The following ELOVL5 variants were observed in gnomAD, a reference collection of about 807,000 sequenced individuals.
The protein encoded by ELOVL5 is very long chain fatty acid elongase 5.
A neutral mutation model predicts 38.6 loss-of-function variants in ELOVL5; 8 were observed. The ratio of observed to expected loss-of-function variants is 0.21; its 90% CI spans 0.12 to 0.37. ELOVL5 has a LOEUF of 0.37. ELOVL5 is among the 10% of genes least tolerant of loss of function. ELOVL5 has a pLI of 1.00. For synonymous variants in ELOVL5, 127 were observed against 133.7 expected (o/e 0.95, Z 0.34); for missense variants, 280 against 367.8 (o/e 0.76, Z 1.95).
chr6:53,289,906 A>C (rs775016999), intron 3 of ELOVL5, among the ~76,000 whole-genome samples: 1 of 152,234 alleles, frequency 6.6e-6, no homozygotes, highest in Non-Finnish European at 1.5e-5. Flanking sequence ...TGACCTGGAT[A>C]GCTTTTTGTA....
chr6:53,332,257 A>G (rs1768836646), intron 1 of ELOVL5, among the ~76,000 whole-genome samples: 1 of 152,216 alleles, frequency 6.6e-6, no homozygotes, highest in Non-Finnish European at 1.5e-5. Context: ...AGTTACATTC[A>G]GTATGGTATT....
intron 1 of ELOVL5, among the ~76,000 whole-genome samples, chr6:53,344,221 T>G (rs372608743): frequency 6.6e-6 from 1 of 152,304 alleles, no homozygotes; most frequent in East Asian, 1.9e-4. Flanking sequence ...TGGGGCTATT[T>G]CCATCTGATC....
Position 53,291,957 on chromosome 6 carries a change from C to T in ELOVL5, c.65G>A (p.Arg22Lys). 6.7e-7 allele frequency: 1 copy of T among 1,501,520 alleles called. No individual in the cohort carries two copies. Among genetic ancestry groups the T allele is most frequent in the Non-Finnish European group, 8.9e-7 (1 of 1,119,050 alleles). 93.0% of individuals were successfully genotyped at this position (1,501,520 alleles called of 1,614,324 possible). The change falls in exon 3 of 8, where the codon AGA becomes AAA. Residue 22 changes from arginine (R) to lysine (K), a missense_variant. Arg to Lys is a conservative substitution (Grantham distance 26). Coordinates refer to ENST00000304434, the MANE Select transcript of ELOVL5 (RefSeq NM_021814.5). ...GTCCAGAAGAAACCATCCTTTTACTCTAGTATCTGAAAAATTAAAAAAAAT... is the reference window on the plus strand; with the variant it reads ...GTCCAGAAGAAACCATCCTTTTACTTTAGTATCTGAAAAATTAAAAAAAAT... ...FKALLGPRDT[R>K]VKGWFLLDNY...
At chr6:53,333,284 C>T (rs958375866) in intron 1 of ELOVL5, among the ~76,000 whole-genome samples, 2 of 152,224 alleles carry the variant, frequency 1.3e-5, no homozygotes, top group African/African-American at 4.8e-5. Flanking sequence ...ACAGAACAGA[C>T]ACTTGCAGAT....
intron 1 of ELOVL5, among the ~76,000 whole-genome samples, chr6:53,336,516 C>T (rs1769075475): frequency 6.6e-6 from 1 of 152,156 alleles, no homozygotes; most frequent in South Asian, 2.1e-4. Flanking sequence ...AAAAAATTAG[C>T]TGGGCATGGT....
At chr6:53,296,727 T>G (rs9370190) in intron 1 of ELOVL5, among the ~76,000 whole-genome samples, 55,232 of 152,014 alleles carry the variant, frequency 0.36, 11,157 homozygotes, top group African/African-American at 0.55. Flanking sequence ...AGATTTACAT[T>G]TAGAGGGTAG....
chr6:53,310,027 T>A (rs1767765674), intron 1 of ELOVL5, among the ~76,000 whole-genome samples: 1 of 152,178 alleles, frequency 6.6e-6, no homozygotes. Context: ...GCCTTAGAAA[T>A]TAACAAGGTC....
chr6:53,341,810 C>G (rs372140519), intron 1 of ELOVL5, among the ~76,000 whole-genome samples: 13 of 152,268 alleles, frequency 8.5e-5, no homozygotes, highest in African/African-American at 3.1e-4. Flanking sequence ...GACGTTTTTA[C>G]TATGCTAATT....
At chr6:53,346,471 G>A (rs1769546909) in intron 1 of ELOVL5, among the ~76,000 whole-genome samples, 1 of 152,112 alleles carries the variant, frequency 6.6e-6, no homozygotes, top group African/African-American at 2.4e-5. Flanking sequence ...GAAAGCAACC[G>A]TTTATGTACA....
At chr6:53,306,382 G>T (rs1767577013) in intron 1 of ELOVL5, among the ~76,000 whole-genome samples, 1 of 22,922 alleles carries the variant, frequency 4.4e-5, no homozygotes. Context: ...AGGGAGAGGG[G>T]AGAGAGAGAG....
chr6:53,273,981 T>C (rs1668567275), intron 5 of ELOVL5, among the ~76,000 whole-genome samples: 1 of 152,258 alleles, frequency 6.6e-6, no homozygotes, highest in South Asian at 2.1e-4. Flanking sequence ...CCAAGCCATC[T>C]GGCTTTTCCC....
In ELOVL5 at chr6:53,297,448, C is replaced by G. The variant is rs182681674; in HGVS notation, c.-8-1741G>C. 2.3e-3 allele frequency among the ~76,000 whole-genome samples: 345 copies of G among 152,200 alleles called. 1 individual carries two copies. The highest frequency in any genetic ancestry group is 0.017 in the Middle Eastern group (5 of 294). ...AGCATGATAAAATCTCCCGCAGTCC[C>G]ACTCCATCCTGCCTGGGATGGGAAT... On this transcript the variant is annotated intron_variant, in intron 1 of 7. Transcript: ENST00000304434.
In ELOVL5 at chr6:53,301,882, AACTG is replaced by A. The variant is rs142902245; in HGVS notation, c.-8-6179_-8-6176del. On this transcript the variant is annotated intron_variant, in intron 1 of 7. Coordinates refer to ENST00000304434, the MANE Select transcript of ELOVL5 (RefSeq NM_021814.5). ...TCATTTTAAGTATCTCACTACAAAA[AACTG>A]ACTGGAGCTGACCATTCTCTTTATA... Among the ~76,000 whole-genome samples the A allele has an allele frequency of 3.7e-3, 561 of 152,322 alleles. 2 individuals are homozygous for A. Among genetic ancestry groups the A allele is most frequent in the African/African-American group, 0.013 (531 of 41,574 alleles).
intron 1 of ELOVL5, among the ~76,000 whole-genome samples, chr6:53,324,509 C>G (rs1303852718): frequency 6.6e-6 from 1 of 151,338 alleles, no homozygotes; most frequent in Non-Finnish European, 1.5e-5. Context: ...AACCCCACCT[C>G]TACAAAAAAT....
At chr6:53,298,399 A>G (rs1300466652) in intron 1 of ELOVL5, among the ~76,000 whole-genome samples, 1 of 152,228 alleles carries the variant, frequency 6.6e-6, no homozygotes, top group Non-Finnish European at 1.5e-5. Context: ...TATGGGTCAC[A>G]TTAAATGTAC....
chr6:53,278,513 C>T (rs566467681), intron 3 of ELOVL5, among the ~76,000 whole-genome samples: 13 of 152,286 alleles, frequency 8.5e-5, no homozygotes, highest in South Asian at 4.1e-4. Context: ...GTTAACCTAA[C>T]GTTCCATTTG....
At chr6:53,309,250 C>G (rs1767724992) in intron 1 of ELOVL5, among the ~76,000 whole-genome samples, 1 of 152,168 alleles carries the variant, frequency 6.6e-6, no homozygotes, top group South Asian at 2.1e-4. Context: ...TTTAGTAACT[C>G]CCTGTTTCAT....
At chr6:53,304,921 G>A (rs1333157909) in intron 1 of ELOVL5, among the ~76,000 whole-genome samples, 4 of 151,962 alleles carry the variant, frequency 2.6e-5, no homozygotes, top group South Asian at 2.1e-4. Context: ...ATCATGGCCC[G>A]TTCTCAATGA....
chr6:53,269,192 C>A lies in ELOVL5; in HGVS notation c.835G>T (p.Gly279Ter). The change falls in exon 8 of 8, where the codon GGA becomes TGA. Residue 279 changes from glycine (G) to a stop codon, truncating the protein, a stop_gained. Transcript: ENST00000304434. LOFTEE classifies it high-confidence loss of function. Reference protein sequence around the residue: ...HQNGSMAAVNGHTNSFSPLEN... With the variant: ...HQNGSMAAVN The stretch of plus-strand genomic sequence containing the variant: ...AGGGGTGAAAAGCTGTTGGTGTGTC[C>A]ATTCACAGCAGCCATGGACCCATTC... The A allele has an allele frequency of 6.2e-7, 1 of 1,613,994 alleles. No individual in the cohort carries two copies. The highest frequency in any genetic ancestry group is 8.5e-7 in the Non-Finnish European group (1 of 1,179,910).
Sources: allele counts gnomAD v4.1 joint callset (sites outside exome capture counted in the v4.1 genomes callset), GRCh38; gene constraint gnomAD v4.1.1; transcripts MANE v1.5; gene names NCBI Gene and HGNC (gene_info 2026-07-23, HGNC 2026-07-21).